The following POLN variants were observed in gnomAD, a reference collection of about 807,000 sequenced individuals.
POLN encodes DNA polymerase nu, also known as DNA polymerase N.
In POLN, 108 loss-of-function variants were observed where a neutral mutation model predicts 113.5. The ratio of observed to expected loss-of-function variants is 0.95; its 90% confidence interval spans 0.81 to 1.12. The LOEUF is 1.12. POLN is among the 50% of genes most tolerant of loss of function. The pLI, the probability that POLN is intolerant of heterozygous loss-of-function variation, is 0.00. For missense variants in POLN, 1,097 were observed against 1,077.1 expected, an observed-to-expected ratio of 1.02 and a Z score of -0.26; for synonymous variants, 386 against 391.5, an observed-to-expected ratio of 0.99 and a Z score of 0.17.
At chr4:2,115,313 C>A (rs2108714779) in intron 19 of POLN, among the ~76,000 whole-genome samples, 1 of 151,414 alleles carries the variant, frequency 6.6e-6, no homozygotes, top group African/African-American at 2.4e-5. Context: ...AGTGATCTGC[C>A]TGCCTCAGCC....
intron 3 of POLN, among the ~76,000 whole-genome samples, chr4:2,223,518 T>A (rs961642965): frequency 6.6e-6 from 1 of 152,038 alleles, no homozygotes; most frequent in Admixed American, 6.6e-5. Flanking sequence ...CCGACCCCCA[T>A]CCCGTGGAAA....
In POLN at chr4:2,208,009, G is replaced by A. The variant is rs1733894458; in HGVS notation, c.692C>T (p.Ser231Phe). The part of the protein sequence containing the change: ...LVITVMYTDG[S>F]TQLGADQTPV... ...AACCTGGTCAGCTCCTAGCTGGGTG[G>A]AACCATCAGTATACATCACAGTTAT... Residue 231 changes from serine (S) to phenylalanine (F), a missense_variant, in exon 5 of 26, where the codon TCC (serine) becomes TTC (phenylalanine). By Grantham distance (155) the Ser-to-Phe change is radical (BLOSUM62 -2). Coordinates refer to ENST00000511885, the MANE Select transcript of POLN (RefSeq NM_181808.4). The A allele has an allele frequency of 6.2e-7, 1 of 1,608,824 alleles. No individual in the cohort carries two copies. The highest frequency in any genetic ancestry group is 8.5e-7 in the Non-Finnish European group (1 of 1,178,362).
intron 13 of POLN, among the ~76,000 whole-genome samples, chr4:2,168,344 A>G (rs2001039): frequency 0.26 from 38,855 of 152,052 alleles, 7,775 homozygotes; most frequent in African/African-American, 0.55. Context: ...CAGGAAGGGG[A>G]AAGGGAGGAT....
intron 19 of POLN, among the ~76,000 whole-genome samples, chr4:2,114,087 T>C (rs1328852500): frequency 6.6e-6 from 1 of 151,466 alleles, no homozygotes; most frequent in Non-Finnish European, 1.5e-5. Flanking sequence ...TTTGTAGAGA[T>C]GGTGTTTCTT....
chr4:2,118,481 CAT>C (rs1025926073), intron 19 of POLN, among the ~76,000 whole-genome samples: 6 of 152,218 alleles, frequency 3.9e-5, no homozygotes, highest in African/African-American at 1.4e-4. Context: ...CACATGTAGA[CAT>C]AGCTCAAAGC....
chr4:2,095,706 T>C, intron 20 of POLN, 145 bp downstream of exon 20: 1 of 741,314 alleles, frequency 1.3e-6, no homozygotes, highest in Middle Eastern at 3.2e-4. Context: ...CTGGCCAGTG[T>C]CTGGTGACTG....
At position 2,078,491 on chromosome 4, in the gene POLN, TAGAC is replaced by T. The variant is rs1174214893; in HGVS notation, c.2387+2463_2387+2466del. 1.2e-5 allele frequency: 9 copies of T among 753,926 alleles called. No individual in the cohort carries two copies. In the Admixed American group the frequency reaches 2.5e-4, roughly 21 times the overall value. 46.7% of individuals were successfully genotyped at this position (753,926 alleles called of 1,614,324 possible). A position where few individuals can be genotyped will look rare whatever the true frequency, so the allele number is the denominator to read the frequency against. On this transcript the variant is annotated intron_variant, in intron 23 of 25. Coordinates refer to ENST00000511885, the MANE Select transcript of POLN (RefSeq NM_181808.4). The stretch of plus-strand genomic sequence containing the variant: ...TCTTCTTCTTTTTTTTTTTTTTTGT[TAGAC>T]AGACTCTCGCTCTCGCCCAGGCTGG...
At chr4:2,174,603 C>T in intron 10 of POLN, 88 bp downstream of exon 10, 1 of 1,137,522 alleles carries the variant, frequency 8.8e-7, no homozygotes, top group Non-Finnish European at 1.3e-6. Context: ...CTATCTACTC[C>T]TAAGTAAGGT....
At chr4:2,229,498 C>CA (rs1248337518) in intron 2 of POLN, 3 of 284,678 alleles carry the variant, frequency 1.1e-5, no homozygotes, top group African/African-American at 6.7e-5. Flanking sequence ...GCAATCTACT[C>CA]AAATACATCC....
At chr4:2,197,614 C>G (rs1210134844) in intron 6 of POLN, among the ~76,000 whole-genome samples, 1 of 152,212 alleles carries the variant, frequency 6.6e-6, no homozygotes, top group Non-Finnish European at 1.5e-5. Context: ...TCTGTCCTCA[C>G]AAGGGCTCTC....
chr4:2,081,947 CTTTTTTTT>C (rs71167773), intron 21 of POLN, among the ~76,000 whole-genome samples: 13 of 92,550 alleles, frequency 1.4e-4, no homozygotes, highest in African/African-American at 7.5e-4. Flanking sequence ...GCACTCTGCA[CTTTTTTTT>C]TTTTTTTTTT....
At chr4:2,205,481 T>G (rs1733819097) in intron 5 of POLN, among the ~76,000 whole-genome samples, 1 of 152,140 alleles carries the variant, frequency 6.6e-6, no homozygotes, top group East Asian at 1.9e-4. Flanking sequence ...CATGGAAGGG[T>G]AGAATCAATA....
chr4:2,198,629 C>T lies in POLN; in HGVS notation c.803G>A (p.Gly268Asp). The change falls in exon 6 of 26, where the codon GGT (glycine) becomes GAT (aspartate). Residue 268 changes from glycine (G) to aspartate (D), a missense_variant. Gly to Asp is a moderately conservative substitution (Grantham distance 94). Transcript: ENST00000511885. Reference protein sequence around the residue: ...GHGCPDAPACGPVLEGFVSDD... With the variant: ...GHGCPDAPACDPVLEGFVSDD... ...TGACACAAAGCCCTCCAGAACAGGA[C>T]CACAGGCCGGGGCATCTGGACAGCC... 1 of 1,613,904 alleles carries T rather than the reference C, an allele frequency of 6.2e-7. No homozygotes were observed. The highest frequency in any genetic ancestry group is 8.5e-7 in the Non-Finnish European group (1 of 1,179,976).
chr4:2,195,490 T>C (rs1733552235), intron 6 of POLN, among the ~76,000 whole-genome samples: 1 of 151,548 alleles, frequency 6.6e-6, no homozygotes, highest in African/African-American at 2.4e-5. Flanking sequence ...TAATTCTTTT[T>C]TTTTTTTTTT....
At chr4:2,225,144 A>C (rs898340376) in intron 3 of POLN, among the ~76,000 whole-genome samples, 13 of 152,314 alleles carry the variant, frequency 8.5e-5, no homozygotes, top group Non-Finnish European at 1.9e-4. Flanking sequence ...ATAGAAAAAA[A>C]TTAACAAAAA....
At chr4:2,157,214 G>T (rs1027285405) in intron 15 of POLN, among the ~76,000 whole-genome samples, 4 of 152,162 alleles carry the variant, frequency 2.6e-5, no homozygotes, top group Admixed American at 2.6e-4. Flanking sequence ...GTGTGAACTT[G>T]AACGAGTCAC....
chr4:2,123,391 C>T lies in POLN; in HGVS notation c.1982+4722G>A, dbSNP rs183281359. ...CTGTAATCCCAGCACTTTGGGAGGC[C>T]GAGGCAGGTGGATCATTTGAGGTCA... On this transcript the variant is annotated intron_variant, in intron 19 of 25. Transcript: ENST00000511885. 2.6e-5 allele frequency among the ~76,000 whole-genome samples: 4 copies of T among 151,536 alleles called. No individual in the cohort carries two copies. The East Asian group carries it at 5.8e-4, about 22-fold the overall frequency.
At chr4:2,134,587 A>T (rs1460526340) in intron 16 of POLN, among the ~76,000 whole-genome samples, 2 of 152,100 alleles carry the variant, frequency 1.3e-5, no homozygotes, top group Non-Finnish European at 2.9e-5. Context: ...GGATCTCATT[A>T]TTGTTTTAAC....
intron 3 of POLN, among the ~76,000 whole-genome samples, chr4:2,220,577 G>A (rs948891746): frequency 6.6e-6 from 1 of 152,144 alleles, no homozygotes; most frequent in African/African-American, 2.4e-5. Flanking sequence ...TGCTAAATTT[G>A]TCCCTTCCTT....
Sources: gnomAD v4.1 joint callset for allele counts (sites outside exome capture counted in the v4.1 genomes callset) on GRCh38, gnomAD v4.1.1 for gene constraint, MANE v1.5 for transcripts, NCBI Gene and HGNC (gene_info 2026-07-23, HGNC 2026-07-21) for gene names.